SCARB2: variants seen among roughly 807,000 people sequenced by gnomAD.
SCARB2 encodes lysosome membrane protein 2.
In SCARB2, 29 loss-of-function variants were observed where a neutral mutation model predicts 58.6. That is an observed-to-expected ratio of 0.49 (90% confidence interval 0.37 to 0.67). The LOEUF is 0.67. SCARB2 is among the 30% of genes least tolerant of loss of function. The pLI, the probability that SCARB2 is intolerant of heterozygous loss-of-function variation, is 0.00. For synonymous variants in SCARB2, 195 were observed against 210.1 expected, an observed-to-expected ratio of 0.93 and a Z score of 0.62; for missense variants, 488 against 578.5, an observed-to-expected ratio of 0.84 and a Z score of 1.60.
chr4:76,177,859 C>A (rs946283096), intron 4 of SCARB2, among the ~76,000 whole-genome samples: 4 of 152,104 alleles, frequency 2.6e-5, no homozygotes, highest in African/African-American at 9.7e-5. Context: ...TTAGTGGTTG[C>A]CAGGGCCTGG....
intron 1 of SCARB2, among the ~76,000 whole-genome samples, chr4:76,233,764 C>T (rs1733533757): frequency 6.6e-6 from 1 of 152,144 alleles, no homozygotes; most frequent in South Asian, 2.1e-4. Context: ...AAAGCCCTAT[C>T]AAGCAGTTAC....
upstream of SCARB2, among the ~76,000 whole-genome samples, chr4:76,218,464 G>T (rs1234194458): frequency 6.6e-6 from 1 of 152,144 alleles, no homozygotes; most frequent in Non-Finnish European, 1.5e-5. Context: ...CAGGCCACAG[G>T]GACTCTCTGT....
chr4:76,194,840 T>C (rs1371449487), intron 2 of SCARB2: 1 of 152,106 alleles, frequency 6.6e-6, no homozygotes, highest in East Asian at 1.9e-4. Flanking sequence ...CCTCTACTAA[T>C]CGTTTAAAAA....
intron 6 of SCARB2, 95 bp downstream of exon 6, chr4:76,175,696 A>G (rs981058037): frequency 7.0e-6 from 10 of 1,426,588 alleles, no homozygotes; most frequent in Non-Finnish European, 8.8e-6. Flanking sequence ...ATATCCATGC[A>G]TAATAAGTGT....
At chr4:76,233,116 C>T (rs1376598898) in intron 1 of SCARB2, among the ~76,000 whole-genome samples, 3 of 152,154 alleles carry the variant, frequency 2.0e-5, no homozygotes, top group Non-Finnish European at 4.4e-5. Context: ...TCTTACACAC[C>T]TTGCATGTAA....
intron 2 of SCARB2, among the ~76,000 whole-genome samples, chr4:76,183,739 G>A (rs1220129567): frequency 6.6e-6 from 1 of 152,116 alleles, no homozygotes; most frequent in Non-Finnish European, 1.5e-5. Context: ...TGGGGGGTGG[G>A]GCTGAAAGTC....
At chr4:76,174,808 C>G (rs534229891) in intron 6 of SCARB2, 2 of 158,982 alleles carry the variant, frequency 1.3e-5, no homozygotes, top group African/African-American at 4.8e-5. Context: ...TCAATCCCCC[C>G]CTCCAAGAAA....
At chr4:76,169,011 T>C (rs1004265585) in intron 8 of SCARB2, among the ~76,000 whole-genome samples, 1 of 152,218 alleles carries the variant, frequency 6.6e-6, no homozygotes, top group Non-Finnish European at 1.5e-5. Context: ...AAGACTGTGT[T>C]CGTCCCTTGG....
In SCARB2 at chr4:76,166,231, C is replaced by G; in HGVS notation, c.1239+19G>C. On this transcript the variant is annotated intron_variant, in intron 10 of 11. Transcript: ENST00000264896. The stretch of plus-strand genomic sequence containing the variant: ...CTGAGTCTGAAAACACCCGTGGCTC[C>G]CTCCGTCTCAGGACTTACCTCATTG... 1 of 1,613,640 alleles carries G rather than the reference C, an allele frequency of 6.2e-7. No individual in the cohort carries two copies. The highest frequency in any genetic ancestry group is 1.1e-5 in the South Asian group (1 of 91,072).
At position 76,174,287 on chromosome 4, in the gene SCARB2, T is replaced by G. The variant is rs149997095; in HGVS notation, c.851A>C (p.Tyr284Ser). 140 of 1,614,008 alleles carry G rather than the reference T, an allele frequency of 8.7e-5. No individual in the cohort carries two copies. The African/African-American group carries it at 1.7e-3, about 20-fold the overall frequency. Residue 284 changes from tyrosine (Y) to serine (S), a missense_variant, in exon 7 of 12, where the codon TAT becomes TCT. Physicochemically the swap from Tyr to Ser is moderately radical, Grantham distance 144. Coordinates refer to ENST00000264896, the MANE Select transcript of SCARB2 (RefSeq NM_005506.4). ...GGCAGGCAGTCCCTGTACACTCTCA[T>G]AGTCACTGAAAGTAATATACACTGA... is the stretch of plus-strand genomic sequence containing the variant. ...CRSVYITFSD[Y>S]ESVQGLPAFR...
Position 76,168,543 on chromosome 4 carries a change from A to G in SCARB2, c.1114-67T>C. On this transcript the variant is annotated intron_variant, in intron 8 of 11. Coordinates refer to ENST00000264896, the MANE Select transcript of SCARB2 (RefSeq NM_005506.4). The stretch of plus-strand genomic sequence containing the variant: ...AAACTGCAAACAACTTTTTCAATAG[A>G]GCACCATTTCTGTGTAGTCCTCATA... The G allele has an allele frequency of 1.5e-6, 2 of 1,331,814 alleles. 1 individual carries two copies. Among genetic ancestry groups the G allele is most frequent in the South Asian group, 2.3e-5 (2 of 85,518 alleles). 82.5% of individuals were successfully genotyped at this position (1,331,814 alleles called of 1,614,324 possible).
At chr4:76,227,597 T>C (rs1458002586) in intron 1 of SCARB2, among the ~76,000 whole-genome samples, 1 of 152,246 alleles carries the variant, frequency 6.6e-6, no homozygotes, top group East Asian at 1.9e-4. Flanking sequence ...TCTGTCTTGA[T>C]GATCTGTCTA....
chr4:76,208,497 A>G (rs1451374253), intron 1 of SCARB2, among the ~76,000 whole-genome samples: 1 of 152,214 alleles, frequency 6.6e-6, no homozygotes, highest in Non-Finnish European at 1.5e-5. Context: ...AAGCATGTCT[A>G]TGAGAGGTCA....
intron 9 of SCARB2, among the ~76,000 whole-genome samples, chr4:76,167,697 T>C (rs1578715064): frequency 7.6e-6 from 1 of 131,650 alleles, no homozygotes; most frequent in Non-Finnish European, 1.6e-5. Flanking sequence ...TTTTTTTTTT[T>C]CCTGAGACAC....
chr4:76,204,271 AT>A (rs1476004682), intron 1 of SCARB2, among the ~76,000 whole-genome samples: 1 of 152,240 alleles, frequency 6.6e-6, no homozygotes, highest in African/African-American at 2.4e-5. Flanking sequence ...TGCCATTAAC[AT>A]TCTACTCTTA....
In SCARB2 at chr4:76,213,491, A is replaced by G; in HGVS notation, c.53T>C (p.Val18Ala). Reference sequence around the variant, plus strand: ...GGCCACCAGCAGCGTGACGCTGGTCACCAGCAGGAGCAGGGACAACGTCCC... The same window carrying G: ...GGCCACCAGCAGCGTGACGCTGGTCGCCAGCAGGAGCAGGGACAACGTCCC... The part of the protein sequence containing the change: ...TAGTLSLLLL[V>A]TSVTLLVARV... Residue 18 changes from valine to alanine, a missense_variant, in exon 1 of 12, where the codon GTG becomes GCG. Transcript: ENST00000264896. 1 of 1,611,462 alleles carries G rather than the reference A, an allele frequency of 6.2e-7. No individual in the cohort carries two copies. The highest frequency in any genetic ancestry group is 8.5e-7 in the Non-Finnish European group (1 of 1,178,990).
upstream of SCARB2, chr4:76,214,261 T>G (rs1402238341): frequency 4.4e-6 from 2 of 455,538 alleles, no homozygotes; most frequent in Non-Finnish European, 8.8e-6. Context: ...TTCTACCAGG[T>G]GCCTGCTGAG....
chr4:76,187,795 G>C (rs1358892455), intron 2 of SCARB2, among the ~76,000 whole-genome samples: 1 of 151,854 alleles, frequency 6.6e-6, no homozygotes, highest in African/African-American at 2.4e-5. Flanking sequence ...GATCTTTAGT[G>C]ATTATATATA....
intron 1 of SCARB2, among the ~76,000 whole-genome samples, chr4:76,204,341 T>C (rs1732887586): frequency 1.3e-5 from 2 of 152,248 alleles, no homozygotes; most frequent in African/African-American, 4.8e-5. Context: ...TTTATGTCAC[T>C]GTTGCTTAAC....
Sources: allele counts gnomAD v4.1 joint callset (sites outside exome capture counted in the v4.1 genomes callset), GRCh38; gene constraint gnomAD v4.1.1; transcripts MANE v1.5; gene names NCBI Gene and HGNC (gene_info 2026-07-23, HGNC 2026-07-21).